The following MRTFB variants were observed in gnomAD, a reference collection of about 807,000 sequenced individuals.
The protein encoded by MRTFB is myocardin-related transcription factor B.
Under a neutral mutation model 104.2 loss-of-function variants are expected in MRTFB, and 29 were observed. The ratio of observed to expected loss-of-function variants is 0.28; its 90% CI spans 0.21 to 0.38. The LOEUF (loss-of-function observed/expected upper bound fraction) is 0.38, where lower values mean the gene tolerates loss of function less well. Ranked by LOEUF, MRTFB falls within the 10% of genes least tolerant of loss-of-function variation. The probability of loss-of-function intolerance (pLI) is 1.00; values close to 1 mark genes in which losing one functional copy is unlikely to be tolerated. For synonymous variants in MRTFB, 535 were observed against 519.5 expected (o/e 1.03, Z -0.41); for missense variants, 1,270 against 1,341.6 (o/e 0.95, Z 0.83).
intron 3 of MRTFB, among the ~76,000 whole-genome samples, chr16:14,157,767 C>T (rs947064166): frequency 6.6e-6 from 1 of 152,132 alleles, no homozygotes; most frequent in Non-Finnish European, 1.5e-5. Flanking sequence ...GATACTGATA[C>T]TGATACTACA....
chr16:14,017,705 A>ATTTTTT, the MRTFB span, among the ~76,000 whole-genome samples: 1 of 28,280 alleles, frequency 3.5e-5, no homozygotes, highest in Non-Finnish European at 9.3e-5. Flanking sequence ...ATATATATAT[A>ATTTTTT]TATATATTTT....
In MRTFB at chr16:14,247,780, G is replaced by C. The variant is rs2043087764; in HGVS notation, c.2247+273G>C. On this transcript the variant is annotated intron_variant, in intron 12 of 16. Transcript: ENST00000571589. ...CATGCAGACATTTTTTTACACACCA[G>C]TGACGTGATCATTGTGATCATAGTC... The C allele has an allele frequency of 7.1e-6, 3 of 423,766 alleles. No homozygotes were observed. In the South Asian group the frequency reaches 1.1e-4, roughly 16 times the overall value. The allele number at this position is 423,766 out of a possible 1,614,324, so 26.3% of individuals were successfully genotyped here.
intron 3 of MRTFB, among the ~76,000 whole-genome samples, chr16:14,209,627 T>G (rs1208794418): frequency 1.3e-5 from 2 of 152,220 alleles, no homozygotes; most frequent in Non-Finnish European, 2.9e-5. Flanking sequence ...TCTAATAATT[T>G]ACTCTTTTAT....
At chr16:14,175,882 T>C (rs2039565985) in intron 3 of MRTFB, among the ~76,000 whole-genome samples, 2 of 152,186 alleles carry the variant, frequency 1.3e-5, no homozygotes, top group South Asian at 4.1e-4. Context: ...TACTGTATGA[T>C]TCCATTCACT....
chr16:14,252,566 C>T (rs1324196782), intron 15 of MRTFB, 64 bp downstream of exon 15: 4 of 1,535,586 alleles, frequency 2.6e-6, no homozygotes, highest in African/African-American at 1.4e-5. Context: ...CAGTCTCGAG[C>T]AGACCTATAC....
intron 2 of MRTFB, among the ~76,000 whole-genome samples, chr16:14,081,729 G>A (rs2034419772): frequency 6.6e-6 from 1 of 151,980 alleles, no homozygotes; most frequent in African/African-American, 2.4e-5. Context: ...ACAGGCACAT[G>A]CCACCACACT....
intron 3 of MRTFB, among the ~76,000 whole-genome samples, chr16:14,172,762 G>A (rs1057101619): frequency 6.6e-6 from 1 of 152,116 alleles, no homozygotes; most frequent in South Asian, 2.1e-4. Flanking sequence ...ATGGGTAAGG[G>A]TGAACCTCTT....
the MRTFB span, among the ~76,000 whole-genome samples, chr16:14,001,641 G>A: frequency 6.6e-6 from 1 of 152,226 alleles, no homozygotes; most frequent in African/African-American, 2.4e-5. Context: ...GTGTCCCACG[G>A]TGAACACTGA....
At chr16:14,162,298 T>A (rs533413533) in intron 3 of MRTFB, among the ~76,000 whole-genome samples, 1 of 152,118 alleles carries the variant, frequency 6.6e-6, no homozygotes, top group Non-Finnish European at 1.5e-5. Flanking sequence ...CACATCACTG[T>A]TCTCCCCTGG....
At chr16:14,187,260 T>C (rs1263758968) in intron 3 of MRTFB, among the ~76,000 whole-genome samples, 1 of 152,208 alleles carries the variant, frequency 6.6e-6, no homozygotes, top group African/African-American at 2.4e-5. Context: ...ATTCATGCAG[T>C]AAGGGGACTT....
chr16:14,049,171 A>T, the MRTFB span, among the ~76,000 whole-genome samples: 1 of 152,196 alleles, frequency 6.6e-6, no homozygotes, highest in Non-Finnish European at 1.5e-5. Flanking sequence ...ACCACACAGA[A>T]TTATCTGGCC....
chr16:14,066,099 GC>G, the MRTFB span, among the ~76,000 whole-genome samples: 1 of 152,072 alleles, frequency 6.6e-6, no homozygotes, highest in African/African-American at 2.4e-5. Context: ...ATACTAGCTG[GC>G]ACTTAAGTGC....
At chr16:14,082,362 A>G (rs1055548238) in intron 2 of MRTFB, among the ~76,000 whole-genome samples, 2 of 152,122 alleles carry the variant, frequency 1.3e-5, no homozygotes, top group African/African-American at 4.8e-5. Flanking sequence ...GCATAGATTT[A>G]TTTCTGGGTT....
rs1349015875 is a variant in MRTFB at position 14,264,353 on chromosome 16, T to C, written c.*2909T>C. On this transcript the variant is annotated 3_prime_UTR_variant, in exon 17 of 17. Transcript: ENST00000571589. ...CATCCTACTGGGGGTGGGATGAATT[T>C]AAAAGTTATACCAAAATTTCTGTAA... The C allele has an allele frequency of 1.3e-5, 2 of 152,220 alleles. No individual in the cohort carries two copies. The highest frequency in any genetic ancestry group is 6.5e-5 in the Admixed American group (1 of 15,288). 9.4% of individuals were successfully genotyped at this position (152,220 alleles called of 1,614,324 possible).
At chr16:14,081,119 G>A (rs1185356955) in intron 2 of MRTFB, among the ~76,000 whole-genome samples, 1 of 151,998 alleles carries the variant, frequency 6.6e-6, no homozygotes, top group African/African-American at 2.4e-5. Flanking sequence ...TCCTCCCAAT[G>A]GTGTTCAAGG....
intron 3 of MRTFB, among the ~76,000 whole-genome samples, chr16:14,175,618 A>C (rs1477709181): frequency 6.6e-6 from 1 of 152,222 alleles, no homozygotes. Flanking sequence ...AAGTCTTTAC[A>C]CAAAAGAAAT....
At chr16:14,015,200 G>C in the MRTFB span, among the ~76,000 whole-genome samples, 1 of 152,226 alleles carries the variant, frequency 6.6e-6, no homozygotes, top group South Asian at 2.1e-4. Context: ...TGAAACAAAA[G>C]GCTTGGAGGT....
chr16:14,240,528 G>GT (rs756403005), intron 10 of MRTFB, 44 bp downstream of exon 10: 51 of 1,613,996 alleles, frequency 3.2e-5, no homozygotes, highest in Non-Finnish European at 4.1e-5. Context: ...GTTTTCTGTG[G>GT]TTTTTTATGA....
At chr16:14,239,279 A>G (rs903780345) in intron 9 of MRTFB, among the ~76,000 whole-genome samples, 1 of 152,272 alleles carries the variant, frequency 6.6e-6, no homozygotes, top group African/African-American at 2.4e-5. Context: ...GAATGTTAAT[A>G]GTCACATTCT....
Sources: allele counts gnomAD v4.1 joint callset (sites outside exome capture counted in the v4.1 genomes callset), GRCh38; gene constraint gnomAD v4.1.1; transcripts MANE v1.5; gene names NCBI Gene and HGNC (gene_info 2026-07-23, HGNC 2026-07-21).